LIPI: variants seen among roughly 807,000 people sequenced by gnomAD.
LIPI encodes lipase member I.
A neutral mutation model predicts 50.6 loss-of-function variants in LIPI; 59 were observed. The ratio of observed to expected loss-of-function variants is 1.16; its 90% CI spans 0.94 to 1.45. The LOEUF is 1.45. LIPI is among the 40% of genes most tolerant of loss of function. LIPI has a pLI of 0.00. For missense variants in LIPI, 586 were observed against 536.3 expected (o/e 1.09, Z -0.92); for synonymous variants, 203 against 178.2 (o/e 1.14, Z -1.11).
At chr21:14,158,172 C>T (rs2018337423) in intron 7 of LIPI, among the ~76,000 whole-genome samples, 1 of 151,756 alleles carries the variant, frequency 6.6e-6, no homozygotes. Flanking sequence ...TGCCAGTACA[C>T]ATGAAGCATG....
At chr21:14,163,235 C>T (rs2018555446) in intron 7 of LIPI, among the ~76,000 whole-genome samples, 184 bp downstream of exon 7, 1 of 151,768 alleles carries the variant, frequency 6.6e-6, no homozygotes, top group African/African-American at 2.4e-5. Context: ...AGCGTCTCTC[C>T]ATTTTATCTA....
intron 1 of LIPI, among the ~76,000 whole-genome samples, chr21:14,203,185 C>T (rs1013241859): frequency 1.3e-5 from 2 of 152,138 alleles, no homozygotes; most frequent in African/African-American, 2.4e-5. Flanking sequence ...CAGGAAACAA[C>T]AGGTGCTGGA....
chr21:14,184,441 C>T (rs1000408113), intron 3 of LIPI, among the ~76,000 whole-genome samples: 10 of 151,418 alleles, frequency 6.6e-5, no homozygotes, highest in Admixed American at 3.9e-4. Context: ...CAAACCTGCA[C>T]GTTGTGCACA....
Position 14,189,605 on chromosome 21 carries a change from C to A in LIPI, c.47-186G>T, listed in dbSNP as rs148871233. On this transcript the variant is annotated intron_variant, in intron 1 of 9. Coordinates refer to ENST00000681601, the MANE Select transcript of LIPI (RefSeq NM_001302998.2). ...TAATTATGTAAAAAGATTTTCTGAACCAAAAGTAATGGAAAATATAAATGT... is the reference window on the plus strand; with the variant it reads ...TAATTATGTAAAAAGATTTTCTGAAACAAAAGTAATGGAAAATATAAATGT... Among the ~76,000 whole-genome samples the A allele has an allele frequency of 4.8e-3, 732 of 151,790 alleles. 2 individuals are homozygous for A. The highest frequency in any genetic ancestry group is 9.0e-3 in the Non-Finnish European group (614 of 67,904).
intron 9 of LIPI, among the ~76,000 whole-genome samples, chr21:14,114,339 C>T (rs942459365): frequency 6.6e-6 from 1 of 152,148 alleles, no homozygotes; most frequent in African/African-American, 2.4e-5. Context: ...AAAATGGCTA[C>T]AGGCCTGTTT....
At position 14,109,190 on chromosome 21, in the gene LIPI, T is replaced by G. The variant is rs2016309592; in HGVS notation, c.1296-110A>C. The stretch of plus-strand genomic sequence containing the variant: ...ATAGTCCATGCCTGTAACTAGCTAG[T>G]TCTCTAAATGTAGGGAGTTGGAACA... On this transcript the variant is annotated intron_variant, in intron 9 of 9. Transcript: ENST00000681601. 1.2e-5 allele frequency: 10 copies of G among 828,734 alleles called. No homozygotes were observed. The Admixed American group carries it at 1.9e-4, about 16-fold the overall frequency. The allele number at this position is 828,734 out of a possible 1,614,324, so 51.3% of individuals were successfully genotyped here.
intron 9 of LIPI, among the ~76,000 whole-genome samples, chr21:14,135,123 G>A (rs1438688762): frequency 3.3e-5 from 5 of 152,112 alleles, no homozygotes; most frequent in East Asian, 1.9e-4. Flanking sequence ...AAAAGTGGGC[G>A]AGGACATGAA....
intron 5 of LIPI, 76 bp from the exon 6 acceptor site, chr21:14,165,466 G>T: frequency 1.7e-6 from 2 of 1,145,394 alleles, no homozygotes; most frequent in South Asian, 1.3e-5. Context: ...ACAAAGTAAA[G>T]ATGAAGTTTT....
In LIPI at chr21:14,129,811, A is replaced by ATTTT. The variant is rs1568838551; in HGVS notation, c.1295+14811_1295+14812insAAAA. ...ATGACTCTAATTGTTTTTTTTTTTA[A>ATTTT]AAAAAAAAAAAGCTTATTTCTCACC... On this transcript the variant is annotated intron_variant, in intron 9 of 9. Transcript: ENST00000681601. Among the ~76,000 whole-genome samples the ATTTT allele has an allele frequency of 1.8e-3, 231 of 125,280 alleles. 2 individuals are homozygous for ATTTT. The South Asian group carries it at 0.037, about 20-fold the overall frequency. 82.2% of individuals were successfully genotyped at this position (125,280 alleles called of 152,430 possible).
At chr21:14,156,672 A>AT (rs199502440) in intron 7 of LIPI, among the ~76,000 whole-genome samples, 1,633 of 152,070 alleles carry the variant, frequency 0.011, 79 homozygotes, top group East Asian at 0.075. Context: ...TGATATAGCT[A>AT]TAAAAAACAT....
chr21:14,193,936 C>T (rs1242241291), intron 1 of LIPI, among the ~76,000 whole-genome samples: 1 of 152,028 alleles, frequency 6.6e-6, no homozygotes, highest in Non-Finnish European at 1.5e-5. Flanking sequence ...ACTTCTATCA[C>T]TCAACAACAA....
At chr21:14,163,634 C>T (rs2018573353) in intron 6 of LIPI, 111 bp from the exon 7 acceptor site, 2 of 672,848 alleles carry the variant, frequency 3.0e-6, no homozygotes, top group Non-Finnish European at 5.4e-6. Context: ...TAATGATCAT[C>T]ATGGATTTTG....
chr21:14,191,376 CAA>C (rs71183411), intron 1 of LIPI, among the ~76,000 whole-genome samples: 55 of 86,270 alleles, frequency 6.4e-4, no homozygotes, highest in East Asian at 1.4e-3. Flanking sequence ...GACTCCGTCT[CAA>C]AAAAAAAAAA....
chr21:14,114,102 C>T (rs747717957), intron 9 of LIPI, among the ~76,000 whole-genome samples: 3 of 151,410 alleles, frequency 2.0e-5, no homozygotes, highest in Admixed American at 6.6e-5. Flanking sequence ...CACTTCAACC[C>T]GGGAGGCAGA....
intron 9 of LIPI, among the ~76,000 whole-genome samples, chr21:14,138,525 T>C (rs1263942675): frequency 6.6e-6 from 1 of 152,064 alleles, no homozygotes; most frequent in Non-Finnish European, 1.5e-5. Flanking sequence ...GGTATCCATA[T>C]AAATTTTATT....
At chr21:14,133,870 C>T (rs774280784) in intron 9 of LIPI, among the ~76,000 whole-genome samples, 2 of 152,124 alleles carry the variant, frequency 1.3e-5, no homozygotes, top group African/African-American at 2.4e-5. Context: ...AAGACAATTT[C>T]ATTTTGCAAT....
At chr21:14,163,667 AAAT>A (rs2018574462) in intron 6 of LIPI, 144 bp from the exon 7 acceptor site, 1 of 616,604 alleles carries the variant, frequency 1.6e-6, no homozygotes, top group Non-Finnish European at 2.9e-6. Context: ...GCATTTTTTC[AAAT>A]AATGTAGCAT....
Position 14,193,067 on chromosome 21 carries a change from T to A in LIPI, c.47-3648A>T, listed in dbSNP as rs116229433. 3.1e-3 allele frequency among the ~76,000 whole-genome samples: 467 copies of A among 152,268 alleles called. 1 individual carries two copies. The highest frequency in any genetic ancestry group is 0.011 in the African/African-American group (451 of 41,566). On this transcript the variant is annotated intron_variant, in intron 1 of 9. Transcript: ENST00000681601. ...TGCATGTTAATGGGTACACAATATA[T>A]AATGATGTAATTTGTGTCATCGGTA...
At chr21:14,160,978 A>C (rs1468673712) in intron 7 of LIPI, among the ~76,000 whole-genome samples, 1 of 151,298 alleles carries the variant, frequency 6.6e-6, no homozygotes, top group Non-Finnish European at 1.5e-5. Context: ...ACACCACCAA[A>C]TTCTGAAAAA....
Sources: allele counts gnomAD v4.1 joint callset (sites outside exome capture counted in the v4.1 genomes callset), GRCh38; gene constraint gnomAD v4.1.1; transcripts MANE v1.5; gene names NCBI Gene and HGNC (gene_info 2026-07-23, HGNC 2026-07-21).